ACVR1: variants seen among roughly 807,000 people sequenced by gnomAD.
ACVR1 encodes the protein activin receptor type-1.
In ACVR1, 38 loss-of-function variants were observed where a neutral mutation model predicts 57.1. That is an observed-to-expected ratio of 0.67 (90% CI 0.51 to 0.87). ACVR1 has a LOEUF of 0.87. ACVR1 is among the 40% of genes least tolerant of loss of function. The pLI is 0.00. For synonymous variants in ACVR1, 212 were observed against 228.1 expected, an observed-to-expected ratio of 0.93 and a Z score of 0.63; for missense variants, 463 against 638.2, an observed-to-expected ratio of 0.73 and a Z score of 2.96.
intron 8 of ACVR1, among the ~76,000 whole-genome samples, chr2:157,762,012 T>A (rs1457955235): frequency 6.6e-6 from 1 of 152,200 alleles, no homozygotes; most frequent in African/African-American, 2.4e-5. Context: ...CAATTTCATA[T>A]AACATCAGGG....
intron 1 of ACVR1, among the ~76,000 whole-genome samples, chr2:157,851,091 C>G (rs973106955): frequency 6.6e-6 from 1 of 152,060 alleles, no homozygotes; most frequent in East Asian, 1.9e-4. Context: ...TCAAAAAACC[C>G]ATATCTTCCC....
At chr2:157,850,911 C>T (rs550752190) in intron 1 of ACVR1, among the ~76,000 whole-genome samples, 1 of 152,142 alleles carries the variant, frequency 6.6e-6, no homozygotes, top group East Asian at 1.9e-4. Context: ...GAGTCGAGAT[C>T]GCGCCACTGC....
At chr2:157,854,888 A>G (rs1174069068) in intron 1 of ACVR1, among the ~76,000 whole-genome samples, 2 of 151,064 alleles carry the variant, frequency 1.3e-5, no homozygotes, top group African/African-American at 4.9e-5. Context: ...AAAATACAAA[A>G]ATTAGCTGGG....
At chr2:157,846,083 T>C (rs1303715956) in intron 1 of ACVR1, among the ~76,000 whole-genome samples, 1 of 152,184 alleles carries the variant, frequency 6.6e-6, no homozygotes, top group African/African-American at 2.4e-5. Context: ...TTAAGAGTTT[T>C]GAGATGAGGC....
chr2:157,793,432 G>A (rs1462377239), intron 3 of ACVR1, among the ~76,000 whole-genome samples: 1 of 152,034 alleles, frequency 6.6e-6, no homozygotes, highest in Non-Finnish European at 1.5e-5. Flanking sequence ...GGAAGGAAAG[G>A]CTAAAAGGAT....
At chr2:157,744,444 T>C (rs1195413264) in intron 9 of ACVR1, among the ~76,000 whole-genome samples, 2 of 152,274 alleles carry the variant, frequency 1.3e-5, no homozygotes, top group Non-Finnish European at 2.9e-5. Flanking sequence ...AGTTACATAT[T>C]TATTTTCATA....
At chr2:157,849,932 G>C (rs529471786) in intron 1 of ACVR1, among the ~76,000 whole-genome samples, 1 of 152,294 alleles carries the variant, frequency 6.6e-6, no homozygotes, top group Admixed American at 6.5e-5. Context: ...GTTGACTGTG[G>C]CTAGTAGCTA....
chr2:157,773,997 C>T, intron 6 of ACVR1, 91 bp downstream of exon 6: 1 of 1,131,170 alleles, frequency 8.8e-7, no homozygotes, highest in Admixed American at 1.8e-5. Flanking sequence ...CAACAGGTAA[C>T]AAAAAGCAGA....
intron 7 of ACVR1, 42 bp downstream of exon 7, chr2:157,770,326 C>T (rs1559046797): frequency 4.3e-6 from 7 of 1,610,454 alleles, no homozygotes; most frequent in Non-Finnish European, 5.1e-6. Context: ...ACAATTGTTT[C>T]TCCCTAGATA....
At chr2:157,824,510 A>G (rs532577157) in intron 1 of ACVR1, among the ~76,000 whole-genome samples, 23 of 152,322 alleles carry the variant, frequency 1.5e-4, no homozygotes, top group African/African-American at 5.3e-4. Context: ...TAAATATTAC[A>G]AAGGGCTCCA....
intron 5 of ACVR1, 118 bp from the exon 6 acceptor site, chr2:157,774,305 TG>T (rs1686189188): frequency 1.3e-6 from 1 of 776,108 alleles, no homozygotes; most frequent in Non-Finnish European, 2.3e-6. Context: ...ACACGTGGCC[TG>T]TTAGTGTACA....
rs1041526103 is a variant in ACVR1, at chr2:157,771,495, A to T, written c.644-981T>A. On this transcript the variant is annotated intron_variant, in intron 6 of 10. Transcript: ENST00000434821. ...GACTATGAGGATCAACAAGGGGTAT[A>T]ATCAGCCTAGATAACAAGGCAAGAG... Among the ~76,000 whole-genome samples the T allele has an allele frequency of 4.3e-4, 65 of 152,286 alleles. 1 individual carries two copies. Among genetic ancestry groups the T allele is most frequent in the African/African-American group, 1.4e-3 (58 of 41,558 alleles).
chr2:157,870,995 C>T (rs545949961), intron 1 of ACVR1, among the ~76,000 whole-genome samples: 1 of 152,276 alleles, frequency 6.6e-6, no homozygotes, highest in East Asian at 1.9e-4. Context: ...TTCATTCTCT[C>T]GGCAATTCAA....
At chr2:157,783,378 T>G (rs989856719) in intron 3 of ACVR1, among the ~76,000 whole-genome samples, 1 of 152,200 alleles carries the variant, frequency 6.6e-6, no homozygotes, top group African/African-American at 2.4e-5. Flanking sequence ...TTGCCAGACG[T>G]GACAGCCTCA....
At chr2:157,738,276 C>T (rs1684617227) in intron 10 of ACVR1, among the ~76,000 whole-genome samples, 164 bp downstream of exon 10, 1 of 152,132 alleles carries the variant, frequency 6.6e-6, no homozygotes, top group African/African-American at 2.4e-5. Flanking sequence ...GAGTATTTTT[C>T]TGAACTTACT....
intron 8 of ACVR1, among the ~76,000 whole-genome samples, chr2:157,765,172 T>C (rs1685813471): frequency 6.6e-6 from 1 of 152,180 alleles, no homozygotes; most frequent in Admixed American, 6.5e-5. Flanking sequence ...AATACTCTTA[T>C]TTATAATGCA....
chr2:157,868,006 T>C (rs192165437), intron 1 of ACVR1, among the ~76,000 whole-genome samples: 23 of 152,270 alleles, frequency 1.5e-4, no homozygotes, highest in African/African-American at 5.3e-4. Context: ...AGCCATAATG[T>C]GCCTCTAAAT....
At chr2:157,866,122 G>A (rs1009199647) in intron 1 of ACVR1, among the ~76,000 whole-genome samples, 2 of 152,036 alleles carry the variant, frequency 1.3e-5, no homozygotes, top group African/African-American at 4.8e-5. Context: ...ATATTACTGT[G>A]CACATGTAAT....
intron 3 of ACVR1, among the ~76,000 whole-genome samples, chr2:157,798,478 C>G (rs148392711): frequency 1.4e-5 from 2 of 140,926 alleles, no homozygotes; most frequent in Non-Finnish European, 3.0e-5. Flanking sequence ...TTCTTGTAGA[C>G]TCATGCCCAA....
Sources: allele counts gnomAD v4.1 joint callset (sites outside exome capture counted in the v4.1 genomes callset), GRCh38; gene constraint gnomAD v4.1.1; transcripts MANE v1.5; gene names NCBI Gene and HGNC (gene_info 2026-07-23, HGNC 2026-07-21).